The following USP24 variants were observed in gnomAD, a reference collection of about 807,000 sequenced individuals.
USP24 encodes ubiquitin carboxyl-terminal hydrolase 24.
USP24 carries 97 observed loss-of-function variants against 361.6 expected under a neutral mutation model. The ratio of observed to expected loss-of-function variants is 0.27; its 90% CI spans 0.23 to 0.32. USP24 has a LOEUF of 0.32. Among genes scored for constraint, USP24 ranks in the 10% least tolerant of loss-of-function variants. The probability of loss-of-function intolerance (pLI) is 1.00; values close to 1 mark genes in which losing one functional copy is unlikely to be tolerated. For synonymous variants in USP24, 1,098 were observed against 1,124.6 expected, an observed-to-expected ratio of 0.98 and a Z score of 0.47; for missense variants, 2,353 against 3,165.6, an observed-to-expected ratio of 0.74 and a Z score of 6.16.
At chr1:55,093,722 CATG>C in intron 52 of USP24, 1 of 494,940 alleles carries the variant, frequency 2.0e-6, no homozygotes. Flanking sequence ...GCCTGCCAAT[CATG>C]AGTGTGTATT....
intron 53 of USP24, 27 bp from the exon 54 acceptor site, chr1:55,092,153 T>C: frequency 6.7e-7 from 1 of 1,501,654 alleles, no homozygotes; most frequent in Non-Finnish European, 9.1e-7. Context: ...TGAAAGAGGA[T>C]ATTTTTCACA....
chr1:55,098,077 G>A lies in USP24; in HGVS notation c.5461C>T (p.Arg1821Cys). The A allele has an allele frequency of 6.3e-7, 1 of 1,598,174 alleles. No homozygotes were observed. Among genetic ancestry groups the A allele is most frequent in the Non-Finnish European group, 8.5e-7 (1 of 1,175,284 alleles). ...TTGAGAGCCATGAAAGCTTCTTCAC[G>A]CTCATATCTGATTAGGAAATAACAG... The part of the protein sequence containing the change: ...ICKDCPHRYE[R>C]EEAFMALNLG... The change falls in exon 47 of 68, where the codon CGT becomes TGT. Residue 1821 changes from arginine to cysteine, a missense_variant. Around this residue, in one of 8 missense-constraint regions of USP24, gnomAD observed 105 missense variants for 200.3 expected, o/e 0.52. Coordinates refer to ENST00000294383, the MANE Select transcript of USP24 (RefSeq NM_015306.3).
rs187844769 is a variant in USP24, at chr1:55,120,660, C to T, written c.4444G>A (p.Val1482Ile). 1.0e-5 allele frequency: 16 copies of T among 1,562,390 alleles called. No individual in the cohort carries two copies. Among genetic ancestry groups the T allele is most frequent in the Admixed American group, 1.9e-5 (1 of 52,270 alleles). Residue 1482 changes from valine to isoleucine, a missense_variant, in exon 38 of 68, where the codon GTA (valine) becomes ATA (isoleucine). Val to Ile is a conservative substitution (Grantham distance 29). Transcript: ENST00000294383. ...AGAGGCAGCTGAGCCGTGAGGATTA[C>T]GCCTAGAAGAAACTGATTTGGCTTC... ...VQKPNQFLLG[V>I]ILTAQLPLWS...
chr1:55,124,330 A>T, intron 35 of USP24, 139 bp downstream of exon 35: 1 of 956,336 alleles, frequency 1.0e-6, no homozygotes, highest in Non-Finnish European at 1.5e-6. Context: ...GTGTATACAG[A>T]GCTTGATGAA....
Position 55,080,721 on chromosome 1 carries a change from T to C in USP24, c.7078+601A>G, listed in dbSNP as rs529821295. ...GTATAAAAACAGTACACACATAAGTTAGGACACTGGATAATCATATAGGAC... is the reference window on the plus strand; with the variant it reads ...GTATAAAAACAGTACACACATAAGTCAGGACACTGGATAATCATATAGGAC... On this transcript the variant is annotated intron_variant, in intron 59 of 67. Transcript: ENST00000294383. Among the ~76,000 whole-genome samples the C allele has an allele frequency of 1.4e-3, 208 of 152,272 alleles. 1 individual carries two copies. Among genetic ancestry groups the C allele is most frequent in the East Asian group, 9.6e-4 (5 of 5,184 alleles).
chr1:55,110,068 A>G (rs1445450757), intron 39 of USP24, 117 bp downstream of exon 39: 16 of 843,730 alleles, frequency 1.9e-5, no homozygotes, highest in Non-Finnish European at 2.8e-5. Context: ...TTCAACTTCA[A>G]ACAATTGTAA....
In USP24 at chr1:55,137,536, A is replaced by G; in HGVS notation, c.3180T>C (p.Ser1060=). Residue 1060 remains serine, a synonymous_variant, in exon 28 of 68, where the codon AGT becomes AGC. Transcript: ENST00000294383. The part of the protein sequence containing the change: ...SSSSSSSGVF[S]SSYAMEQEKS... ...GTACCTGCTCCATGGCATATGAAGA[A>G]CTAAAAACCCCACTGCTGCTGCTGC... is the stretch of plus-strand genomic sequence containing the variant. The G allele has an allele frequency of 1.9e-6, 3 of 1,613,410 alleles. No individual in the cohort carries two copies. Among genetic ancestry groups the G allele is most frequent in the Non-Finnish European group, 2.5e-6 (3 of 1,179,640 alleles).
At chr1:55,128,227 T>C (rs969312003) in intron 32 of USP24, among the ~76,000 whole-genome samples, 8 of 152,202 alleles carry the variant, frequency 5.3e-5, no homozygotes, top group Non-Finnish European at 1.2e-4. Context: ...TGTCATTCTG[T>C]CACTGCCCTT....
intron 44 of USP24, among the ~76,000 whole-genome samples, chr1:55,100,447 GAT>G (rs1309398876): frequency 2.0e-5 from 3 of 150,692 alleles, no homozygotes; most frequent in Admixed American, 6.6e-5. Flanking sequence ...GGTGAGCCAA[GAT>G]TGCGCCATTG....
intron 41 of USP24, among the ~76,000 whole-genome samples, chr1:55,105,298 C>T (rs1391187098): frequency 1.3e-5 from 2 of 152,106 alleles, no homozygotes; most frequent in African/African-American, 4.8e-5. Context: ...GAGGAATACC[C>T]CAAGAGTTCT....
At chr1:55,129,912 A>C (rs762860025) in intron 31 of USP24, among the ~76,000 whole-genome samples, 19 of 152,342 alleles carry the variant, frequency 1.2e-4, no homozygotes, top group Non-Finnish European at 2.6e-4. Context: ...TATACACCAA[A>C]GTTTTATAAA....
Position 55,157,224 on chromosome 1 carries a change from T to A in USP24, c.1342+32A>T, listed in dbSNP as rs1430319571. ...AAAGATATATTATTTAAATTATGTG[T>A]TAGGTAATTTTTATTTTTGAAAGCA... On this transcript the variant is annotated intron_variant, in intron 11 of 67. Transcript: ENST00000294383. The A allele has an allele frequency of 3.4e-6, 5 of 1,465,412 alleles. No individual in the cohort carries two copies. The East Asian group carries it at 7.0e-5, about 20-fold the overall frequency. The allele number at this position is 1,465,412 out of a possible 1,614,324, so 90.8% of individuals were successfully genotyped here. A position where few individuals can be genotyped will look rare whatever the true frequency, so the allele number is the denominator to read the frequency against.
rs1382228205 is a variant in USP24, at chr1:55,104,141, C to G, written c.4881-121G>C. The G allele has an allele frequency of 4.1e-6, 5 of 1,231,744 alleles. No homozygotes were observed. In the African/African-American group the frequency reaches 7.6e-5, roughly 19 times the overall value. 76.3% of individuals were successfully genotyped at this position (1,231,744 alleles called of 1,614,324 possible). ...TCCAATTCCTCAAACATACTTAAGT[C>G]AGGTCTAACCCCAGACATCCAGTAA... is the stretch of plus-strand genomic sequence containing the variant. On this transcript the variant is annotated intron_variant, in intron 41 of 67. Coordinates refer to ENST00000294383, the MANE Select transcript of USP24 (RefSeq NM_015306.3).
chr1:55,171,302 T>C (rs750757388), intron 5 of USP24, among the ~76,000 whole-genome samples: 6 of 152,200 alleles, frequency 3.9e-5, no homozygotes, highest in Non-Finnish European at 8.8e-5. Context: ...ATCTAATAGA[T>C]GACGCTAAAG....
chr1:55,205,144 T>C (rs182579405), intron 1 of USP24, among the ~76,000 whole-genome samples: 1 of 152,340 alleles, frequency 6.6e-6, no homozygotes, highest in Admixed American at 6.5e-5. Context: ...GCCAAGTGTG[T>C]GTTTCCATTC....
chr1:55,098,365 T>C (rs1645545098), intron 46 of USP24, 111 bp downstream of exon 46: 6 of 1,003,126 alleles, frequency 6.0e-6, no homozygotes, highest in Non-Finnish European at 8.7e-6. Context: ...ATAGATCTGT[T>C]GACAGGGAGA....
In USP24 at chr1:55,098,095, A is replaced by T. The variant is rs1448396850; in HGVS notation, c.5454-11T>A. 3 of 1,583,324 alleles carry T rather than the reference A, an allele frequency of 1.9e-6. No individual in the cohort carries two copies. Among genetic ancestry groups the T allele is most frequent in the African/African-American group, 1.4e-5 (1 of 73,038 alleles). On this transcript the variant is annotated splice_polypyrimidine_tract_variant and intron_variant, in intron 46 of 67. Transcript: ENST00000294383. ...TCTTCACGCTCATATCTGATTAGGA[A>T]ATAACAGAAAACCCACAATCAACAA...
chr1:55,157,458 T>C (rs539295054), intron 10 of USP24, 88 bp from the exon 11 acceptor site: 2 of 765,910 alleles, frequency 2.6e-6, no homozygotes, highest in Non-Finnish European at 4.0e-6. Context: ...AATGTTACAA[T>C]GTGCTTCAAT....
intron 1 of USP24, among the ~76,000 whole-genome samples, chr1:55,181,078 C>A (rs1643953301): frequency 6.6e-6 from 1 of 150,924 alleles, no homozygotes; most frequent in Non-Finnish European, 1.5e-5. Context: ...ACCTACATAT[C>A]CTCACAATTT....
Sources: allele counts gnomAD v4.1 joint callset (sites outside exome capture counted in the v4.1 genomes callset), GRCh38; gene constraint gnomAD v4.1.1; regional missense constraint gnomAD v4.1.1; transcripts MANE v1.5; gene names NCBI Gene and HGNC (gene_info 2026-07-23, HGNC 2026-07-21).